ZNF19: variants seen among roughly 807,000 people sequenced by gnomAD.
ZNF19 encodes zinc finger protein 19 (KOX 12).
A neutral mutation model predicts 13.1 loss-of-function variants in ZNF19; 11 were observed. That is an observed-to-expected ratio of 0.84 (90% CI 0.53 to 1.39). The LOEUF is 1.39. Ranked by LOEUF, ZNF19 falls within the 40% of genes most tolerant of loss-of-function variation. The probability of loss-of-function intolerance (pLI) is 0.00; values close to 1 mark genes in which losing one functional copy is unlikely to be tolerated. For missense variants in ZNF19, 560 were observed against 547.0 expected (o/e 1.02, Z -0.24); for synonymous variants, 186 against 187.0 (o/e 0.99, Z 0.04).
Position 71,482,319 on chromosome 16 carries a change from G to A in ZNF19, c.-29-176C>T, listed in dbSNP as rs1390837552. On this transcript the variant is annotated intron_variant, in intron 2 of 5. Coordinates refer to ENST00000288177, the MANE Select transcript of ZNF19 (RefSeq NM_006961.4). Reference sequence around the variant, plus strand: ...ATACCATGAGGTTTGTAATTCTGAGGAAACAGATTTTGAAAGAATAAGTAA... The same window carrying A: ...ATACCATGAGGTTTGTAATTCTGAGAAAACAGATTTTGAAAGAATAAGTAA... 3 of 598,814 alleles carry A rather than the reference G, an allele frequency of 5.0e-6. No homozygotes were observed. In the East Asian group the frequency reaches 8.5e-5, roughly 17 times the overall value. 37.1% of individuals were successfully genotyped at this position (598,814 alleles called of 1,614,324 possible). A position where few individuals can be genotyped will look rare whatever the true frequency, so the allele number is the denominator to read the frequency against.
At chr16:71,487,515 A>C (rs2043687655) in intron 1 of ZNF19, 1 of 152,174 alleles carries the variant, frequency 6.6e-6, no homozygotes, top group Admixed American at 6.5e-5. Flanking sequence ...ACTCATACTC[A>C]TGTCTGTCAC....
At position 71,475,891 on chromosome 16, in the gene ZNF19, C is replaced by A; in HGVS notation, c.656G>T (p.Cys219Phe). 1 of 1,613,520 alleles carries A rather than the reference C, an allele frequency of 6.2e-7. No individual in the cohort carries two copies. The highest frequency in any genetic ancestry group is 8.5e-7 in the Non-Finnish European group (1 of 1,179,558). The part of the protein sequence containing the change: ...RIHTGERPYQ[C>F]EECGRAFNDN... ...ATTAAAGGCTCGCCCACACTCCTCA[C>A]ACTGATAGGGTCTCTCTCCAGTGTG... Residue 219 changes from cysteine to phenylalanine, a missense_variant, in exon 6 of 6, where the codon TGT becomes TTT. Physicochemically the swap from Cys to Phe is radical, Grantham distance 205. Transcript: ENST00000288177.
chr16:71,482,323 C>T, intron 2 of ZNF19, 180 bp from the exon 3 acceptor site: 1 of 593,956 alleles, frequency 1.7e-6, no homozygotes, highest in East Asian at 2.9e-5. Context: ...TCTGAGGAAA[C>T]AGATTTTGAA....
At chr16:71,482,357 C>T in intron 2 of ZNF19, 1 of 533,112 alleles carries the variant, frequency 1.9e-6, no homozygotes, top group South Asian at 2.3e-5. Flanking sequence ...TGTCCTAGGA[C>T]ACCAGAGCCT....
At position 71,476,193 on chromosome 16, in the gene ZNF19, A is replaced by T. The variant is rs753431771; in HGVS notation, c.354T>A (p.Gly118=). Residue 118 remains glycine (G), a synonymous_variant, in exon 6 of 6, where the codon GGT becomes GGA. Coordinates refer to ENST00000288177, the MANE Select transcript of ZNF19 (RefSeq NM_006961.4). The stretch of plus-strand genomic sequence containing the variant: ...TTCTCTGAGGGACACTCTTCAGCTG[A>T]CCATGTGACATCATCCCATCTCTTT... ...SEERDGMMSH[G]QLKSVPQRTD... is the part of the protein sequence containing the mutation. The T allele has an allele frequency of 1.2e-6, 2 of 1,614,052 alleles. No individual in the cohort carries two copies. Among genetic ancestry groups the T allele is most frequent in the Non-Finnish European group, 1.7e-6 (2 of 1,180,016 alleles).
chr16:71,486,264 G>A (rs1213338526), intron 1 of ZNF19, among the ~76,000 whole-genome samples: 1 of 151,968 alleles, frequency 6.6e-6, no homozygotes, highest in African/African-American at 2.4e-5. Flanking sequence ...TACTAGCTGA[G>A]TTGGGAGGAT....
At chr16:71,488,730 C>T (rs900797808) in intron 1 of ZNF19, among the ~76,000 whole-genome samples, 2 of 151,936 alleles carry the variant, frequency 1.3e-5, no homozygotes, top group Admixed American at 6.5e-5. Context: ...ACTCGGGAGG[C>T]GGAGGTTGCA....
intron 2 of ZNF19, among the ~76,000 whole-genome samples, chr16:71,483,183 T>C (rs965756139): frequency 4.6e-5 from 7 of 152,212 alleles, no homozygotes; most frequent in Non-Finnish European, 7.3e-5. Flanking sequence ...TTTTTGTTCA[T>C]TGCCCCACTC....
rs891633587 is a variant in ZNF19 at position 71,489,282 on chromosome 16, G to A, written c.-200C>T. The A allele has an allele frequency of 3.7e-5, 36 of 985,420 alleles. No homozygotes were observed. The highest frequency in any genetic ancestry group is 4.1e-5 in the Non-Finnish European group (34 of 830,012). The allele number at this position is 985,420 out of a possible 1,614,324, so 61.0% of individuals were successfully genotyped here. On this transcript the variant is annotated 5_prime_UTR_variant, in exon 1 of 6. Transcript: ENST00000288177. ...CTTGCACTTTGGCACCTTTGAGCGC[G>A]GACTCAAAACAGGCCAGAAGCGCAC... is the stretch of plus-strand genomic sequence containing the variant.
Position 71,475,690 on chromosome 16 carries a change from G to A in ZNF19, c.857C>T (p.Ser286Leu), listed in dbSNP as rs1315397036. 6.2e-7 allele frequency: 1 copy of A among 1,612,448 alleles called. No individual in the cohort carries two copies. The highest frequency in any genetic ancestry group is 1.3e-5 in the African/African-American group (1 of 74,838). The change falls in exon 6 of 6, where the codon TCA becomes TTA. Residue 286 changes from serine (S) to leucine (L), a missense_variant. Physicochemically the swap from Ser to Leu is moderately radical, Grantham distance 145 (BLOSUM62 -2). Transcript: ENST00000288177. ...GATTTTCTGATGCCGAAGTAGGGGTGAATTACCAACAAAAGCTTTGCCACA... is the reference window on the plus strand; with the variant it reads ...GATTTTCTGATGCCGAAGTAGGGGTAAATTACCAACAAAAGCTTTGCCACA... Reference protein sequence around the residue: ...NECGKAFVGNSPLLRHQKIHT... With the variant: ...NECGKAFVGNLPLLRHQKIHT...
intron 3 of ZNF19, 88 bp from the exon 4 acceptor site, chr16:71,479,093 G>A (rs1310734538): frequency 3.2e-6 from 5 of 1,578,390 alleles, no homozygotes; most frequent in Admixed American, 1.7e-5. Context: ...GGGACTTGAG[G>A]GAAAGTCCTG....
chr16:71,488,440 T>G (rs1036523163), intron 1 of ZNF19, among the ~76,000 whole-genome samples: 10 of 151,834 alleles, frequency 6.6e-5, no homozygotes, highest in African/African-American at 2.4e-4. Flanking sequence ...TGTTACTATC[T>G]GCAGGCAACA....
intron 1 of ZNF19, among the ~76,000 whole-genome samples, chr16:71,488,681 C>T (rs1000328498): frequency 3.3e-5 from 5 of 152,160 alleles, no homozygotes; most frequent in African/African-American, 1.2e-4. Context: ...CACCTGTAAT[C>T]CCAGCTACTC....
At chr16:71,477,889 C>G (rs750229870) in intron 5 of ZNF19, 12 of 204,566 alleles carry the variant, frequency 5.9e-5, no homozygotes, top group Non-Finnish European at 8.9e-5. Flanking sequence ...CTTTTTACAT[C>G]TGTCTCCATA....
chr16:71,481,008 CA>C (rs1431904216), intron 3 of ZNF19, among the ~76,000 whole-genome samples: 3 of 152,198 alleles, frequency 2.0e-5, no homozygotes, highest in Non-Finnish European at 4.4e-5. Flanking sequence ...AACAAAATTC[CA>C]GAGAAGGAAC....
chr16:71,478,984 C>T lies in ZNF19; in HGVS notation c.55G>A (p.Val19Met), dbSNP rs1388205769. The T allele has an allele frequency of 9.9e-6, 16 of 1,614,128 alleles. No homozygotes were observed. The highest frequency in any genetic ancestry group is 2.2e-5 in the East Asian group (1 of 44,892). ...TCTGTCTTGGTGAAGTGCACAGCCA[C>T]ATCCTCGAAGGTCACCATCTCCTAA... ...QYQEMVTFED[V>M]AVHFTKTEWT... The change falls in exon 4 of 6, where the codon GTG (valine) becomes ATG (methionine). Residue 19 changes from valine to methionine, a missense_variant. Coordinates refer to ENST00000288177, the MANE Select transcript of ZNF19 (RefSeq NM_006961.4).
rs759960933 is a variant in ZNF19 at position 71,475,905 on chromosome 16, C to G, written c.642G>C (p.Glu214Asp). 7 of 1,613,576 alleles carry G rather than the reference C, an allele frequency of 4.3e-6. No individual in the cohort carries two copies. ...CACACTCCTCACACTGATAGGGTCTCTCTCCAGTGTGAATCCTCTGGTGCC... is the reference window on the plus strand; with the variant it reads ...CACACTCCTCACACTGATAGGGTCTGTCTCCAGTGTGAATCCTCTGGTGCC... ...LIRHQRIHTG[E>D]RPYQCEECGR... The change falls in exon 6 of 6, where the codon GAG (glutamate) becomes GAC (aspartate). Residue 214 changes from glutamate to aspartate, a missense_variant. Glu to Asp is a conservative substitution (Grantham distance 45). Transcript: ENST00000288177.
chr16:71,478,161 G>T, intron 5 of ZNF19, 67 bp downstream of exon 5: 1 of 1,045,070 alleles, frequency 9.6e-7, no homozygotes, highest in Non-Finnish European at 1.5e-6. Context: ...TGCCCAGCAT[G>T]ATTCATTTTA....
At position 71,489,308 on chromosome 16, in the gene ZNF19, C is replaced by G. The variant is rs1017806058; in HGVS notation, c.-226G>C. ...GACTCAAAACAGGCCAGAAGCGCAC[C>G]GCTAGCGAGAACGGTTAGGAGGCCG... is the stretch of plus-strand genomic sequence containing the variant. On this transcript the variant is annotated 5_prime_UTR_variant, in exon 1 of 6. Transcript: ENST00000288177. 2.0e-6 allele frequency: 2 copies of G among 985,476 alleles called. No homozygotes were observed. The highest frequency in any genetic ancestry group is 2.4e-6 in the Non-Finnish European group (2 of 829,964). The allele number at this position is 985,476 out of a possible 1,614,324, so 61.0% of individuals were successfully genotyped here.
Sources: allele counts gnomAD v4.1 joint callset (sites outside exome capture counted in the v4.1 genomes callset), GRCh38; gene constraint gnomAD v4.1.1; transcripts MANE v1.5; gene names NCBI Gene and HGNC (gene_info 2026-07-23, HGNC 2026-07-21).